Variants in NLRP11 observed in about 807,000 individuals in gnomAD.
NLRP11 encodes the protein NACHT, LRR and PYD domains-containing protein 11.
Under a neutral mutation model 79.3 loss-of-function variants are expected in NLRP11, and 53 were observed. The ratio of observed to expected loss-of-function variants is 0.67; its 90% CI spans 0.54 to 0.84. The LOEUF is 0.84. Among genes scored for constraint, NLRP11 ranks in the 40% least tolerant of loss-of-function variants. The pLI, the probability that NLRP11 is intolerant of heterozygous loss-of-function variation, is 0.00. For missense variants in NLRP11, 1,264 were observed against 1,255.0 expected, an observed-to-expected ratio of 1.01 and a Z score of -0.11; for synonymous variants, 518 against 462.6, an observed-to-expected ratio of 1.12 and a Z score of -1.54.
chr19:55,813,156 C>T (rs144684182), intron 2 of NLRP11, among the ~76,000 whole-genome samples: 3,045 of 152,114 alleles, frequency 0.02, 127 homozygotes, highest in African/African-American at 0.07. Flanking sequence ...GCTGAAACCC[C>T]ATCTCTACTA....
chr19:55,805,415 T>C (rs929091941), intron 4 of NLRP11, among the ~76,000 whole-genome samples: 1 of 151,916 alleles, frequency 6.6e-6, no homozygotes, highest in Non-Finnish European at 1.5e-5. Context: ...GGAGACTGGA[T>C]GTTTTCCATG....
At chr19:55,822,666 A>G (rs1250153718) in intron 1 of NLRP11, among the ~76,000 whole-genome samples, 1 of 152,140 alleles carries the variant, frequency 6.6e-6, no homozygotes, top group Non-Finnish European at 1.5e-5. Context: ...GCACCTGGAA[A>G]ATCGGGTCAC....
chr19:55,799,045 T>C (rs1979218830), intron 5 of NLRP11, among the ~76,000 whole-genome samples: 1 of 152,052 alleles, frequency 6.6e-6, no homozygotes, highest in African/African-American at 2.4e-5. Flanking sequence ...GGTGGGCAGA[T>C]CACGTGAGGT....
At chr19:55,821,428 T>A (rs1981726094) in intron 1 of NLRP11, among the ~76,000 whole-genome samples, 1 of 152,194 alleles carries the variant, frequency 6.6e-6, no homozygotes, top group African/African-American at 2.4e-5. Flanking sequence ...CCGATTCTGC[T>A]TTGTAGCCCT....
chr19:55,816,296 T>C (rs1258484959), intron 2 of NLRP11, among the ~76,000 whole-genome samples: 1 of 152,192 alleles, frequency 6.6e-6, no homozygotes, highest in African/African-American at 2.4e-5. Flanking sequence ...AGAAGGTCAT[T>C]ATGTAATACA....
chr19:55,817,702 C>G (rs1265547998), intron 2 of NLRP11, among the ~76,000 whole-genome samples: 4 of 151,880 alleles, frequency 2.6e-5, no homozygotes, highest in Non-Finnish European at 5.9e-5. Flanking sequence ...GGATAAACGA[C>G]TACACACTGG....
rs755985895 is a variant in NLRP11, at chr19:55,796,074, A to C, written c.2342+6T>G. 2.5e-6 allele frequency: 4 copies of C among 1,607,712 alleles called. No individual in the cohort carries two copies. The highest frequency in any genetic ancestry group is 3.4e-6 in the Non-Finnish European group (4 of 1,174,698). The stretch of plus-strand genomic sequence containing the variant: ...CTACGTGGTGAGCTCGTCTAAGCCA[A>C]CTTACACCAGTGATATAAGAGTGCA... On this transcript the variant is annotated splice_donor_region_variant and intron_variant, in intron 6 of 9. Coordinates refer to ENST00000589093, the Ensembl canonical transcript of NLRP11.
intron 2 of NLRP11, among the ~76,000 whole-genome samples, chr19:55,814,155 C>T (rs183048508): frequency 1.5e-4 from 23 of 152,138 alleles, no homozygotes; most frequent in African/African-American, 5.3e-4. Context: ...CTCACAGAAG[C>T]GTGAACCCTA....
At chr19:55,790,059 C>A (rs375963059) in intron 7 of NLRP11, among the ~76,000 whole-genome samples, 4 of 152,158 alleles carry the variant, frequency 2.6e-5, no homozygotes, top group South Asian at 4.1e-4. Context: ...TGCTTGCAAG[C>A]GCCACTCTAG....
At chr19:55,788,159 A>G (rs1219152548) in intron 9 of NLRP11, among the ~76,000 whole-genome samples, 1 of 152,214 alleles carries the variant, frequency 6.6e-6, no homozygotes, top group Non-Finnish European at 1.5e-5. Context: ...GGATTTGGAA[A>G]CATGAAATAG....
chr19:55,798,300 G>A, intron 5 of NLRP11: 1 of 984,188 alleles, frequency 1.0e-6, no homozygotes, highest in Non-Finnish European at 1.2e-6. Context: ...GTTGGCCTGT[G>A]TATTCTATTT....
At chr19:55,787,948 G>T (rs1322791987) in intron 9 of NLRP11, among the ~76,000 whole-genome samples, 2 of 152,120 alleles carry the variant, frequency 1.3e-5, no homozygotes, top group African/African-American at 2.4e-5. Context: ...CTTCAGATTT[G>T]ACCCTAGCCC....
chr19:55,818,338 T>G, intron 1 of NLRP11, 102 bp from the exon 2 acceptor site: 1 of 616,830 alleles, frequency 1.6e-6, no homozygotes, highest in Admixed American at 3.0e-5. Flanking sequence ...GAAGCTCCTT[T>G]CTGATAGGCC....
intron 7 of NLRP11, among the ~76,000 whole-genome samples, chr19:55,790,480 T>C (rs917992711): frequency 6.6e-6 from 1 of 152,206 alleles, no homozygotes; most frequent in East Asian, 1.9e-4. Flanking sequence ...ATAAGTTTCT[T>C]ATGTTTTATT....
chr19:55,797,182 C>T (rs1342613229), intron 5 of NLRP11, among the ~76,000 whole-genome samples: 1 of 151,954 alleles, frequency 6.6e-6, no homozygotes, highest in Non-Finnish European at 1.5e-5. Flanking sequence ...GACTATAGTC[C>T]CAGCTACTTG....
chr19:55,815,686 T>C (rs900295951), intron 2 of NLRP11, among the ~76,000 whole-genome samples: 5 of 152,160 alleles, frequency 3.3e-5, no homozygotes, highest in African/African-American at 1.2e-4. Flanking sequence ...TCCAGTAAAG[T>C]TCCCATTTGT....
At chr19:55,819,452 A>G (rs995507012) in intron 1 of NLRP11, among the ~76,000 whole-genome samples, 5 of 152,044 alleles carry the variant, frequency 3.3e-5, no homozygotes, top group Non-Finnish European at 7.4e-5. Context: ...GTATCATTAC[A>G]CTCCGTCACG....
At chr19:55,801,760 G>T in intron 4 of NLRP11, 21 bp from the exon 5 acceptor site, 1 of 1,610,840 alleles carries the variant, frequency 6.2e-7, no homozygotes, top group South Asian at 1.1e-5. Flanking sequence ...CATAATAGCA[G>T]GAAAGCACTA....
chr19:55,832,436 A>G (rs1982889476), upstream of NLRP11, among the ~76,000 whole-genome samples: 1 of 152,196 alleles, frequency 6.6e-6, no homozygotes, highest in Admixed American at 6.5e-5. Flanking sequence ...AAATGCAACC[A>G]AAGGCATGTT....
Sources: gnomAD v4.1 joint callset for allele counts (sites outside exome capture counted in the v4.1 genomes callset) on GRCh38, gnomAD v4.1.1 for gene constraint, MANE v1.5 for transcripts, NCBI Gene and HGNC (gene_info 2026-07-23, HGNC 2026-07-21) for gene names.